TDRD3: variants seen among roughly 807,000 people sequenced by gnomAD.
TDRD3 encodes the protein tudor domain-containing protein 3.
Under a neutral mutation model 86.7 loss-of-function variants are expected in TDRD3, and 45 were observed. That is an observed-to-expected ratio of 0.52 (90% CI 0.41 to 0.67). The LOEUF is 0.67. TDRD3 is among the 30% of genes least tolerant of loss of function. The pLI is 0.00. For missense variants in TDRD3, 814 were observed against 889.0 expected (o/e 0.92, Z 1.07); for synonymous variants, 298 against 301.7 (o/e 0.99, Z 0.13).
chr13:60,407,083 A>G (rs1479238245), intron 1 of TDRD3, among the ~76,000 whole-genome samples: 1 of 152,232 alleles, frequency 6.6e-6, no homozygotes, highest in East Asian at 1.9e-4. Context: ...CCAGTATTTT[A>G]TAATGAATTT....
chr13:60,529,770 TTTATA>T (rs1471490632), intron 11 of TDRD3, among the ~76,000 whole-genome samples: 3 of 152,082 alleles, frequency 2.0e-5, no homozygotes, highest in African/African-American at 4.8e-5. Flanking sequence ...AATTTTTAGT[TTTATA>T]TTATATGGTG....
At chr13:60,447,484 C>T (rs955237185) in intron 3 of TDRD3, among the ~76,000 whole-genome samples, 14 of 152,074 alleles carry the variant, frequency 9.2e-5, no homozygotes, top group African/African-American at 2.7e-4. Context: ...TGGCAAGCTT[C>T]GAGAATTATG....
At chr13:60,462,401 G>A (rs1422423463) in intron 4 of TDRD3, among the ~76,000 whole-genome samples, 5 of 152,084 alleles carry the variant, frequency 3.3e-5, no homozygotes, top group Non-Finnish European at 5.9e-5. Context: ...AAAATTAATC[G>A]TCGTATGCTC....
intron 10 of TDRD3, among the ~76,000 whole-genome samples, chr13:60,518,343 C>T (rs1361459372): frequency 6.6e-6 from 1 of 152,198 alleles, no homozygotes; most frequent in Non-Finnish European, 1.5e-5. Context: ...GGAGGCTCCA[C>T]ATCTGAGAGG....
intron 8 of TDRD3, among the ~76,000 whole-genome samples, chr13:60,504,743 T>G (rs922107269): frequency 1.3e-5 from 2 of 152,168 alleles, no homozygotes; most frequent in Non-Finnish European, 2.9e-5. Flanking sequence ...GGTACCTGGC[T>G]CATCTCATTG....
intron 3 of TDRD3, among the ~76,000 whole-genome samples, chr13:60,452,005 A>G (rs1217477390): frequency 6.6e-6 from 1 of 152,190 alleles, no homozygotes; most frequent in Non-Finnish European, 1.5e-5. Context: ...TCTGAAGAGC[A>G]AAAAATAGCC....
At chr13:60,507,367 C>T (rs1430935819) in intron 8 of TDRD3, among the ~76,000 whole-genome samples, 2 of 152,184 alleles carry the variant, frequency 1.3e-5, no homozygotes, top group Non-Finnish European at 1.5e-5. Context: ...CTACAGAACT[C>T]TCCACCTCTA....
intron 7 of TDRD3, among the ~76,000 whole-genome samples, chr13:60,487,369 A>C (rs1474618251): frequency 6.6e-6 from 1 of 152,084 alleles, no homozygotes; most frequent in Non-Finnish European, 1.5e-5. Flanking sequence ...CCAGCTACTC[A>C]AGAGGCAGAG....
intron 13 of TDRD3, among the ~76,000 whole-genome samples, chr13:60,570,864 G>T (rs1392414394): frequency 1.3e-5 from 2 of 152,088 alleles, no homozygotes; most frequent in East Asian, 3.8e-4. Context: ...AATTTCCTTT[G>T]AAAAATAATA....
At chr13:60,481,349 GT>G (rs796837758) in intron 5 of TDRD3, among the ~76,000 whole-genome samples, 15,623 of 137,234 alleles carry the variant, frequency 0.11, 912 homozygotes, top group African/African-American at 0.22. Flanking sequence ...CCCTCTTTGT[GT>G]TTTTTTTTTT....
At chr13:60,425,295 T>C (rs745585868) in intron 1 of TDRD3, among the ~76,000 whole-genome samples, 4 of 152,086 alleles carry the variant, frequency 2.6e-5, no homozygotes, top group East Asian at 1.9e-4. Flanking sequence ...GACATGCAAA[T>C]TGAAACCACT....
At chr13:60,561,211 T>C (rs1958324304) in intron 12 of TDRD3, among the ~76,000 whole-genome samples, 1 of 152,202 alleles carries the variant, frequency 6.6e-6, no homozygotes. Context: ...GAGGTGAGTT[T>C]TTAATTATAA....
intron 3 of TDRD3, among the ~76,000 whole-genome samples, chr13:60,452,096 A>G (rs992312653): frequency 1.3e-5 from 2 of 152,166 alleles, no homozygotes; most frequent in African/African-American, 4.8e-5. Context: ...AAAATCACTG[A>G]ACCGGGAATT....
At chr13:60,507,449 A>C (rs1176721737) in intron 8 of TDRD3, among the ~76,000 whole-genome samples, 1 of 152,110 alleles carries the variant, frequency 6.6e-6, no homozygotes, top group Middle Eastern at 3.2e-3. Context: ...GAAGTAAAAC[A>C]CTCCTCAGCA....
chr13:60,452,729 G>GT (rs1039677070), intron 3 of TDRD3, among the ~76,000 whole-genome samples: 1 of 151,110 alleles, frequency 6.6e-6, no homozygotes, highest in Non-Finnish European at 1.5e-5. Context: ...AGTAATTGCA[G>GT]TTTTTTCCAT....
intron 5 of TDRD3, among the ~76,000 whole-genome samples, chr13:60,481,584 G>T (rs1956319083): frequency 6.6e-6 from 1 of 151,698 alleles, no homozygotes; most frequent in Non-Finnish European, 1.5e-5. Context: ...TTCTTTTATA[G>T]AAGTTCCATT....
At chr13:60,503,521 TAAA>T in intron 8 of TDRD3, among the ~76,000 whole-genome samples, 1 of 152,122 alleles carries the variant, frequency 6.6e-6, no homozygotes, top group South Asian at 2.1e-4. Context: ...AAATATAACT[TAAA>T]GAAGATTGCA....
At chr13:60,492,370 G>A (rs1201045744) in intron 7 of TDRD3, among the ~76,000 whole-genome samples, 1 of 152,210 alleles carries the variant, frequency 6.6e-6, no homozygotes, top group Non-Finnish European at 1.5e-5. Context: ...TGTTTGCCAT[G>A]TGCCAGCTAC....
intron 12 of TDRD3, among the ~76,000 whole-genome samples, chr13:60,539,132 C>G (rs905384005): frequency 2.0e-5 from 3 of 151,978 alleles, no homozygotes; most frequent in Non-Finnish European, 4.4e-5. Flanking sequence ...AAATTGTTAT[C>G]GTCTTTTAGG....
Sources: gnomAD v4.1 joint callset for allele counts (sites outside exome capture counted in the v4.1 genomes callset) on GRCh38, gnomAD v4.1.1 for gene constraint, MANE v1.5 for transcripts, NCBI Gene and HGNC (gene_info 2026-07-23, HGNC 2026-07-21) for gene names.